The following ASIC2 variants were observed in gnomAD, a reference collection of about 807,000 sequenced individuals.
The protein encoded by ASIC2 is acid-sensing ion channel 2.
ASIC2 carries 25 observed loss-of-function variants against 57.3 expected under a neutral mutation model. The ratio of observed to expected loss-of-function variants is 0.44; its 90% CI spans 0.32 to 0.61. The LOEUF (loss-of-function observed/expected upper bound fraction) is 0.61. ASIC2 is among the 20% of genes least tolerant of loss of function. The pLI is 0.06. For synonymous variants in ASIC2, 319 were observed against 307.5 expected (o/e 1.04, Z -0.39); for missense variants, 641 against 738.1 (o/e 0.87, Z 1.52).
intron 1 of ASIC2, among the ~76,000 whole-genome samples, chr17:33,610,054 G>GCGCATGCA (rs375575593): frequency 0.049 from 7,071 of 144,796 alleles, 202 homozygotes; most frequent in Middle Eastern, 0.089. Flanking sequence ...GGACAGAGGC[G>GCGCATGCA]CACACACACA....
At chr17:33,273,221 G>T (rs1555591072) in intron 1 of ASIC2, among the ~76,000 whole-genome samples, 1 of 152,110 alleles carries the variant, frequency 6.6e-6, no homozygotes, top group Non-Finnish European at 1.5e-5. Context: ...TAAAAGAGTA[G>T]AAAAAAATAG....
chr17:33,790,843 A>G lies in ASIC2; in HGVS notation c.555+365135T>C, dbSNP rs73986710. On this transcript the variant is annotated intron_variant, in intron 1 of 9. Transcript: ENST00000359872. ...ATCTCATACTGATTGAGAATTTATCATGTACCAGACATGATGCTTAACACT... is the reference window on the plus strand; with the variant it reads ...ATCTCATACTGATTGAGAATTTATCGTGTACCAGACATGATGCTTAACACT... 7.7e-4 allele frequency among the ~76,000 whole-genome samples: 117 copies of G among 152,326 alleles called. 2 individuals are homozygous for G. Among genetic ancestry groups the G allele is most frequent in the African/African-American group, 2.7e-3 (114 of 41,572 alleles).
intron 1 of ASIC2, among the ~76,000 whole-genome samples, chr17:34,019,031 C>T (rs934312729): frequency 6.6e-6 from 1 of 152,134 alleles, no homozygotes; most frequent in African/African-American, 2.4e-5. Context: ...CCTCAGCCTC[C>T]CGAGTAGCTG....
chr17:34,156,425 C>T lies in ASIC2; in HGVS notation c.108G>A (p.Gly36=), dbSNP rs200791905. 369 of 1,614,202 alleles carry T rather than the reference C, an allele frequency of 2.3e-4. 1 individual carries two copies. The African/African-American group carries it at 4.1e-3, about 18-fold the overall frequency. ...ACAGCACACGCCGGATGGTCAGCGG[C>T]CCATACACGAAGATGTGGCGGATGC... Residue 36 remains glycine, a synonymous_variant, in exon 1 of 10, where the codon GGG becomes GGA. Coordinates refer to the ASIC2 transcript ENST00000359872. This position sits in a 1 kb window ranked among gnomAD's most constrained non-coding sequence, Gnocchi z 4.4.
At chr17:33,788,561 C>A (rs1911673136) in intron 1 of ASIC2, among the ~76,000 whole-genome samples, 1 of 152,066 alleles carries the variant, frequency 6.6e-6, no homozygotes. Flanking sequence ...GGTTATATAC[C>A]TTAAGGAATA....
At chr17:33,149,895 A>G (rs1452383379) in intron 1 of ASIC2, among the ~76,000 whole-genome samples, 1 of 152,204 alleles carries the variant, frequency 6.6e-6, no homozygotes, top group Non-Finnish European at 1.5e-5. Flanking sequence ...TTGAAGGAAC[A>G]GGCACCAGAC....
Position 33,413,716 on chromosome 17 carries a change from T to C in ASIC2, c.556-301649A>G, listed in dbSNP as rs796453412. ...ATCCTTTTCCCAGCCTTGGCTTCAT[T>C]AGATCCCACTCACTCTTTAGCTCTC... On this transcript the variant is annotated intron_variant, in intron 1 of 9. Transcript: ENST00000359872. Among the ~76,000 whole-genome samples, 9 of 152,372 alleles carry C rather than the reference T, an allele frequency of 5.9e-5. 1 individual carries two copies. Among genetic ancestry groups the C allele is most frequent in the African/African-American group, 1.9e-4 (8 of 41,578 alleles).
At chr17:33,130,708 T>G (rs1437309766) in intron 1 of ASIC2, among the ~76,000 whole-genome samples, 1 of 152,174 alleles carries the variant, frequency 6.6e-6, no homozygotes, top group Non-Finnish European at 1.5e-5. Context: ...GGGACTTGGC[T>G]GGAGTCTAGA....
intron 1 of ASIC2, among the ~76,000 whole-genome samples, chr17:33,758,076 C>T: frequency 6.6e-6 from 1 of 152,338 alleles, no homozygotes. Flanking sequence ...TGATGAAACT[C>T]ATGACTTGCT....
chr17:33,633,702 C>A (rs1460488373), intron 1 of ASIC2, among the ~76,000 whole-genome samples: 1 of 152,222 alleles, frequency 6.6e-6, no homozygotes, highest in Admixed American at 6.5e-5. Context: ...TTCTCTGTAG[C>A]AACAGCCACA....
chr17:33,021,409 G>C, intron 6 of ASIC2, 99 bp from the exon 7 acceptor site: 1 of 1,022,814 alleles, frequency 9.8e-7, no homozygotes, highest in Non-Finnish European at 1.4e-6. Flanking sequence ...AGAAAAGGAG[G>C]CCCAGGAAGT....
chr17:33,085,212 C>T (rs1311655742), intron 3 of ASIC2, among the ~76,000 whole-genome samples: 1 of 152,110 alleles, frequency 6.6e-6, no homozygotes, highest in South Asian at 2.1e-4. Context: ...AAACTTTGAG[C>T]CAAAGCAGCA....
chr17:33,310,093 A>ACCATTAT (rs1002132601), intron 1 of ASIC2, among the ~76,000 whole-genome samples: 86 of 151,794 alleles, frequency 5.7e-4, no homozygotes, highest in African/African-American at 2.0e-3. Flanking sequence ...TTATTGTTAT[A>ACCATTAT]CCATTATTTG....
intron 1 of ASIC2, among the ~76,000 whole-genome samples, chr17:33,162,620 C>T (rs1303895544): frequency 6.6e-6 from 1 of 152,216 alleles, no homozygotes; most frequent in Non-Finnish European, 1.5e-5. Context: ...GCCACTTCTC[C>T]TCAGGGCCAG....
At chr17:33,578,456 A>G (rs965955532) in intron 1 of ASIC2, among the ~76,000 whole-genome samples, 1 of 152,244 alleles carries the variant, frequency 6.6e-6, no homozygotes, top group Non-Finnish European at 1.5e-5. Flanking sequence ...ACACCTTAGT[A>G]TGAATAAAGA....
intron 1 of ASIC2, among the ~76,000 whole-genome samples, chr17:33,346,533 C>T (rs1907957172): frequency 6.6e-6 from 1 of 152,100 alleles, no homozygotes; most frequent in Non-Finnish European, 1.5e-5. Flanking sequence ...TGTGCACATG[C>T]TCGTGCACAT....
intron 1 of ASIC2, among the ~76,000 whole-genome samples, chr17:33,464,529 T>TC (rs1567621138): frequency 1.5e-4 from 5 of 33,094 alleles, no homozygotes; most frequent in Admixed American, 7.1e-4. Context: ...TCTTTCTTTC[T>TC]TTCTTTCTTT....
rs757004100 is a variant in ASIC2, at chr17:33,015,921, G to A, written c.1590+50C>T. The A allele has an allele frequency of 2.9e-5, 46 of 1,599,422 alleles. 1 individual carries two copies. The highest frequency in any genetic ancestry group is 2.2e-4 in the South Asian group (20 of 90,588). On this transcript the variant is annotated intron_variant, in intron 9 of 9. Transcript: ENST00000225823. Reference sequence around the variant, plus strand: ...CCCCAGCATCTGGTTTTGTACTGCCGGTACAAGCCAGAGCAGCAGAACAAC... The same window carrying A: ...CCCCAGCATCTGGTTTTGTACTGCCAGTACAAGCCAGAGCAGCAGAACAAC...
rs1272091095 is a variant in ASIC2 at position 33,319,548 on chromosome 17, T to C, written c.556-207481A>G. On this transcript the variant is annotated intron_variant, in intron 1 of 9. Transcript: ENST00000359872. ...CATAATAGATGCATATATTTATGGG[T>C]TACATGAGATATTTTGATACAGCCA... Among the ~76,000 whole-genome samples the C allele has an allele frequency of 2.0e-5, 3 of 152,206 alleles. No individual in the cohort carries two copies. In the East Asian group the frequency reaches 5.8e-4, roughly 29 times the overall value.
Sources: allele counts gnomAD v4.1 joint callset (sites outside exome capture counted in the v4.1 genomes callset), GRCh38; gene constraint gnomAD v4.1.1; non-coding constraint Gnocchi (gnomAD v3.1); transcripts MANE v1.5; gene names NCBI Gene and HGNC (gene_info 2026-07-23, HGNC 2026-07-21).